MRTFB: variants seen among roughly 807,000 people sequenced by gnomAD.
The protein encoded by MRTFB is myocardin related transcription factor B.
A neutral mutation model predicts 104.2 loss-of-function variants in MRTFB; 29 were observed. The ratio of observed to expected loss-of-function variants is 0.28; its 90% CI spans 0.21 to 0.38. The LOEUF (loss-of-function observed/expected upper bound fraction) is 0.38, where lower values mean the gene tolerates loss of function less well. Among genes scored for constraint, MRTFB ranks in the 10% least tolerant of loss-of-function variants. MRTFB has a pLI of 1.00. For synonymous variants in MRTFB, 535 were observed against 519.5 expected (o/e 1.03, Z -0.41); for missense variants, 1,270 against 1,341.6 (o/e 0.95, Z 0.83).
At chr16:14,040,587 C>T in the MRTFB span, among the ~76,000 whole-genome samples, 3 of 151,878 alleles carry the variant, frequency 2.0e-5, no homozygotes, top group Non-Finnish European at 4.4e-5. Flanking sequence ...CTCAGCCTCC[C>T]GAGTAGCTGG....
chr16:14,084,514 G>A (rs370152819), intron 2 of MRTFB, among the ~76,000 whole-genome samples: 68 of 152,148 alleles, frequency 4.5e-4, no homozygotes, highest in African/African-American at 1.5e-3. Context: ...CACTCCAGCC[G>A]GGGTGACAGA....
the MRTFB span, among the ~76,000 whole-genome samples, chr16:14,014,672 G>C: frequency 1.3e-5 from 2 of 151,754 alleles, no homozygotes; most frequent in African/African-American, 2.4e-5. Flanking sequence ...TGGCCAACAT[G>C]GTGAAACCCC....
the MRTFB span, among the ~76,000 whole-genome samples, chr16:14,017,633 ATATATATG>A: frequency 4.5e-5 from 2 of 44,024 alleles, no homozygotes; most frequent in Admixed American, 3.1e-4. Context: ...ATATATATAT[ATATATATG>A]TATATATGTG....
chr16:14,144,959 A>AAT (rs1688066733), intron 3 of MRTFB, among the ~76,000 whole-genome samples: 3 of 145,270 alleles, frequency 2.1e-5, no homozygotes, highest in Admixed American at 6.8e-5. Flanking sequence ...AAAAAAAAAA[A>AAT]AAATAAATAA....
chr16:13,995,159 G>A, the MRTFB span, among the ~76,000 whole-genome samples: 27 of 152,260 alleles, frequency 1.8e-4, no homozygotes, highest in African/African-American at 6.3e-4. Flanking sequence ...AAGAGACCTC[G>A]TTGGGACTCA....
At chr16:14,214,869 C>G (rs955454710) in intron 6 of MRTFB, 1 of 152,138 alleles carries the variant, frequency 6.6e-6, no homozygotes, top group Non-Finnish European at 1.5e-5. Flanking sequence ...CCTCCTCATT[C>G]CAGGGGCAGG....
At chr16:14,125,607 A>T (rs538711850) in intron 2 of MRTFB, among the ~76,000 whole-genome samples, 6 of 152,330 alleles carry the variant, frequency 3.9e-5, no homozygotes, top group Non-Finnish European at 7.3e-5. Flanking sequence ...TTTTGTAAAC[A>T]TATTGTTTCC....
At chr16:14,246,103 A>T (rs2043002085) in intron 11 of MRTFB, among the ~76,000 whole-genome samples, 1 of 152,204 alleles carries the variant, frequency 6.6e-6, no homozygotes, top group Admixed American at 6.5e-5. Context: ...AAGAATAATG[A>T]TACGGACACC....
At chr16:14,245,704 A>G (rs779217185) in intron 11 of MRTFB, 44 bp downstream of exon 11, 5 of 1,580,248 alleles carry the variant, frequency 3.2e-6, no homozygotes, top group Admixed American at 3.9e-5. Flanking sequence ...AGTACCACAA[A>G]CATGTAAATG....
chr16:14,005,712 G>GT, the MRTFB span, among the ~76,000 whole-genome samples: 2 of 152,170 alleles, frequency 1.3e-5, 1 homozygote, highest in Non-Finnish European at 2.9e-5. Context: ...TACAGGAAAT[G>GT]TTTTATTGAG....
chr16:14,258,848 TA>T (rs2043631270), intron 16 of MRTFB, among the ~76,000 whole-genome samples: 1 of 152,202 alleles, frequency 6.6e-6, no homozygotes, highest in Admixed American at 6.5e-5. Context: ...AAAGAGACAT[TA>T]GCCACAAAAA....
the MRTFB span, among the ~76,000 whole-genome samples, chr16:14,017,687 G>GTGTATATATATATATATATA: frequency 4.4e-4 from 3 of 6,808 alleles, 1 homozygote; most frequent in Admixed American, 9.4e-3. Context: ...GTGTGTGTGT[G>GTGTATATATATATATATATA]TATATATATA....
rs1236917868 is a variant in MRTFB, at chr16:14,262,836, A to T, written c.*1392A>T. On this transcript the variant is annotated 3_prime_UTR_variant, in exon 17 of 17. Transcript: ENST00000571589. ...CCAAAAGAGCATGGAGATTTTTCTT[A>T]AATAATAATATTGTGCTCTCCACCT... 6.6e-6 allele frequency: 1 copy of T among 152,250 alleles called. No individual in the cohort carries two copies. Among genetic ancestry groups the T allele is most frequent in the Non-Finnish European group, 1.5e-5 (1 of 68,042 alleles). 9.4% of individuals were successfully genotyped at this position (152,250 alleles called of 1,614,324 possible).
At chr16:14,169,509 T>G (rs2039355082) in intron 3 of MRTFB, among the ~76,000 whole-genome samples, 1 of 152,248 alleles carries the variant, frequency 6.6e-6, no homozygotes, top group South Asian at 2.1e-4. Flanking sequence ...TACCCTTGAT[T>G]CTAATCATTT....
intron 8 of MRTFB, among the ~76,000 whole-genome samples, chr16:14,232,227 TTA>T (rs2151307155): frequency 6.6e-6 from 1 of 152,302 alleles, no homozygotes; most frequent in East Asian, 1.9e-4. Flanking sequence ...TTCAAACATT[TTA>T]GTCTCTTTCA....
At chr16:14,121,203 C>CT (rs75728032) in intron 2 of MRTFB, among the ~76,000 whole-genome samples, 21,036 of 136,654 alleles carry the variant, frequency 0.15, 2,210 homozygotes, top group East Asian at 0.3. Context: ...GTTAATATGG[C>CT]TTTTTTTTTT....
intron 3 of MRTFB, among the ~76,000 whole-genome samples, chr16:14,206,793 G>A (rs998150518): frequency 2.0e-5 from 3 of 152,022 alleles, no homozygotes; most frequent in Admixed American, 6.6e-5. Context: ...TGCCAGTCTC[G>A]TCCCGGCCTC....
At chr16:14,233,645 CG>C (rs1246298326) in intron 8 of MRTFB, among the ~76,000 whole-genome samples, 5 of 151,982 alleles carry the variant, frequency 3.3e-5, no homozygotes, top group African/African-American at 7.2e-5. Context: ...CAAAAACTAG[CG>C]GAGTGTGGTG....
intron 3 of MRTFB, among the ~76,000 whole-genome samples, chr16:14,178,835 G>A (rs889217851): frequency 1.4e-4 from 21 of 151,748 alleles, no homozygotes; most frequent in Admixed American, 9.2e-4. Context: ...CTGCAGCCTC[G>A]TCCTCCTGGG....
Sources: gnomAD v4.1 joint callset for allele counts (sites outside exome capture counted in the v4.1 genomes callset) on GRCh38, gnomAD v4.1.1 for gene constraint, MANE v1.5 for transcripts, NCBI Gene and HGNC (gene_info 2026-07-23, HGNC 2026-07-21) for gene names.